Variants in C10orf67 observed in about 807,000 individuals in gnomAD.
C10orf67 encodes the protein uncharacterized protein C10orf67, mitochondrial.
C10orf67 carries 60 observed loss-of-function variants against 35.6 expected under a neutral mutation model. The observed-to-expected ratio is 1.68, with a 90% CI of 1.37 to 2.09. The LOEUF is 2.09. C10orf67 is among the 30% of genes most tolerant of loss of function. The probability of loss-of-function intolerance (pLI) is 0.00; values close to 1 mark genes in which losing one functional copy is unlikely to be tolerated. For synonymous variants in C10orf67, 167 were observed against 115.8 expected, an observed-to-expected ratio of 1.44 and a Z score of -2.84; for missense variants, 474 against 330.2, an observed-to-expected ratio of 1.44 and a Z score of -3.38.
At chr10:23,219,129 A>G (rs1243239620) in intron 15 of C10orf67, among the ~76,000 whole-genome samples, 1 of 152,228 alleles carries the variant, frequency 6.6e-6, no homozygotes, top group Middle Eastern at 3.2e-3. Flanking sequence ...TTTAAATTAT[A>G]TCTAATATGT....
intron 12 of C10orf67, among the ~76,000 whole-genome samples, chr10:23,247,423 T>C (rs1432350736): frequency 2.0e-5 from 3 of 152,174 alleles, no homozygotes; most frequent in African/African-American, 4.8e-5. Flanking sequence ...GCTGTGCAGG[T>C]TTGTAGCCTA....
intron 12 of C10orf67, among the ~76,000 whole-genome samples, chr10:23,243,592 C>G (rs1189857240): frequency 6.6e-6 from 1 of 151,322 alleles, no homozygotes; most frequent in Non-Finnish European, 1.5e-5. Context: ...GAGGCTGAGG[C>G]AGGAGAATTG....
intron 2 of C10orf67, among the ~76,000 whole-genome samples, chr10:23,325,858 A>T (rs1367730907): frequency 6.6e-6 from 1 of 152,162 alleles, no homozygotes; most frequent in African/African-American, 2.4e-5. Context: ...ATCAACAAAC[A>T]GAAAATTTTG....
rs4483494 is a variant in C10orf67 at position 23,324,893 on chromosome 10, G to A, written c.328-2356C>T. 1.9e-3 allele frequency among the ~76,000 whole-genome samples: 288 copies of A among 152,218 alleles called. 4 individuals carry two copies. The East Asian group carries it at 0.031, about 16-fold the overall frequency. On this transcript the variant is annotated intron_variant, in intron 2 of 15. Transcript: ENST00000636213. ...TGACGCCTGGTGTACTGGCATCCTG[G>A]GAAGAATTTCATTTTAGTATCCTCA...
At chr10:23,267,394 T>C (rs1470875228) in intron 8 of C10orf67, 140 bp from the exon 9 acceptor site, 5 of 518,296 alleles carry the variant, frequency 9.6e-6, no homozygotes, top group Non-Finnish European at 1.7e-5. Flanking sequence ...ATAAAAGTTA[T>C]AGTATCAAAG....
At chr10:23,260,818 A>G (rs1588625991) in intron 10 of C10orf67, among the ~76,000 whole-genome samples, 1 of 152,286 alleles carries the variant, frequency 6.6e-6, no homozygotes, top group East Asian at 1.9e-4. Flanking sequence ...TACTTTCCTA[A>G]TGTTTGCTCT....
At chr10:23,243,508 A>T (rs1335935135) in intron 12 of C10orf67, among the ~76,000 whole-genome samples, 2 of 151,524 alleles carry the variant, frequency 1.3e-5, no homozygotes, top group African/African-American at 2.4e-5. Context: ...ACATGGAGAA[A>T]TCCCGTCTCT....
chr10:23,247,754 T>C (rs1278093369), intron 12 of C10orf67, among the ~76,000 whole-genome samples: 1 of 152,196 alleles, frequency 6.6e-6, no homozygotes, highest in Non-Finnish European at 1.5e-5. Flanking sequence ...TGAATGTTAT[T>C]GAAAACTTTC....
chr10:23,270,476 T>A (rs758131976), intron 8 of C10orf67, among the ~76,000 whole-genome samples: 2 of 152,166 alleles, frequency 1.3e-5, no homozygotes, highest in African/African-American at 4.8e-5. Flanking sequence ...TACATGGAGA[T>A]CCAGCAGTTT....
chr10:23,276,362 T>C lies in C10orf67; in HGVS notation c.975+5651A>G, dbSNP rs552857405. On this transcript the variant is annotated intron_variant, in intron 8 of 15. Coordinates refer to ENST00000636213, the MANE Select transcript of C10orf67 (RefSeq NM_001371909.1). ...TGAAGACCTGCAGGACTCCTATTCATACAGAAGTCATTGATGCCACCTCCT... is the reference window on the plus strand; with the variant it reads ...TGAAGACCTGCAGGACTCCTATTCACACAGAAGTCATTGATGCCACCTCCT... Among the ~76,000 whole-genome samples, 3 of 152,248 alleles carry C rather than the reference T, an allele frequency of 2.0e-5. No individual in the cohort carries two copies. The East Asian group carries it at 5.8e-4, about 29-fold the overall frequency.
At chr10:23,332,754 T>A (rs1474378852) in intron 2 of C10orf67, among the ~76,000 whole-genome samples, 2 of 152,158 alleles carry the variant, frequency 1.3e-5, no homozygotes, top group South Asian at 4.1e-4. Flanking sequence ...ACACAGTTAT[T>A]CATTATATAT....
chr10:23,248,134 T>A (rs1471618328), intron 12 of C10orf67, among the ~76,000 whole-genome samples: 1 of 152,132 alleles, frequency 6.6e-6, no homozygotes, highest in Non-Finnish European at 1.5e-5. Flanking sequence ...ACCTGTAACA[T>A]TTCTTATGCG....
intron 2 of C10orf67, among the ~76,000 whole-genome samples, chr10:23,326,411 G>A (rs1350578284): frequency 3.3e-5 from 5 of 152,102 alleles, no homozygotes; most frequent in Non-Finnish European, 7.4e-5. Flanking sequence ...AACACAACTT[G>A]TCAACCCGGA....
chr10:23,314,904 A>G (rs1448076850), intron 4 of C10orf67, among the ~76,000 whole-genome samples: 1 of 152,244 alleles, frequency 6.6e-6, no homozygotes. Flanking sequence ...AAAGTTAAAT[A>G]AATTTAGAAA....
At chr10:23,246,293 C>T (rs1842314939) in intron 12 of C10orf67, among the ~76,000 whole-genome samples, 1 of 152,178 alleles carries the variant, frequency 6.6e-6, no homozygotes, top group South Asian at 2.1e-4. Flanking sequence ...TACACCAAAC[C>T]CCTAAGACAT....
chr10:23,219,094 G>A lies in C10orf67; in HGVS notation c.1570+4504C>T, dbSNP rs4748846. 0.57 allele frequency among the ~76,000 whole-genome samples: 87,291 copies of A among 152,026 alleles called. 26,263 individuals are homozygous for A. Among genetic ancestry groups the A allele is most frequent in the East Asian group, 0.88 (4,544 of 5,186 alleles). On this transcript the variant is annotated intron_variant, in intron 15 of 15. Coordinates refer to ENST00000636213, the MANE Select transcript of C10orf67 (RefSeq NM_001371909.1). Reference sequence around the variant, plus strand: ...TATTGAAAATATATCTTGGGTCCAAGGCTTCAAAGGGTAAAAAGAAAGATT... The same window carrying A: ...TATTGAAAATATATCTTGGGTCCAAAGCTTCAAAGGGTAAAAAGAAAGATT...
intron 4 of C10orf67, among the ~76,000 whole-genome samples, chr10:23,313,729 G>A (rs1364926535): frequency 6.6e-6 from 1 of 152,214 alleles, no homozygotes; most frequent in Non-Finnish European, 1.5e-5. Context: ...AGTATTGTGG[G>A]AGGGTAAAGT....
At chr10:23,259,230 C>A (rs1463816668) in intron 10 of C10orf67, among the ~76,000 whole-genome samples, 1 of 152,200 alleles carries the variant, frequency 6.6e-6, no homozygotes, top group Non-Finnish European at 1.5e-5. Flanking sequence ...CAATTTGGGT[C>A]ATTCTGTCCT....
At chr10:23,215,373 A>G (rs1209997315) in intron 15 of C10orf67, among the ~76,000 whole-genome samples, 1 of 151,584 alleles carries the variant, frequency 6.6e-6, no homozygotes, top group Non-Finnish European at 1.5e-5. Context: ...GGCTCACTGC[A>G]ACCTCTGCCT....
Sources: allele counts gnomAD v4.1 joint callset (sites outside exome capture counted in the v4.1 genomes callset), GRCh38; gene constraint gnomAD v4.1.1; transcripts MANE v1.5; gene names NCBI Gene and HGNC (gene_info 2026-07-23, HGNC 2026-07-21).